SCHIP1: variants seen among roughly 807,000 people sequenced by gnomAD.
The protein encoded by SCHIP1 is schwannomin interacting protein 1.
SCHIP1 carries 8 observed loss-of-function variants against 29.7 expected under a neutral mutation model. That is an observed-to-expected ratio of 0.27 (90% confidence interval 0.16 to 0.49). SCHIP1 has a LOEUF of 0.49. SCHIP1 is among the 20% of genes least tolerant of loss of function. The pLI is 0.99. For missense variants in SCHIP1, 193 were observed against 294.6 expected, an observed-to-expected ratio of 0.66 and a Z score of 2.52; for synonymous variants, 76 against 94.9, an observed-to-expected ratio of 0.80 and a Z score of 1.16.
chr3:159,345,745 G>C, the SCHIP1 span, among the ~76,000 whole-genome samples: 4 of 152,180 alleles, frequency 2.6e-5, no homozygotes, highest in Admixed American at 2.6e-4. Flanking sequence ...GTATTACTTT[G>C]TGCTTCTCAG....
At chr3:159,758,532 C>A in the SCHIP1 span, among the ~76,000 whole-genome samples, 1 of 151,620 alleles carries the variant, frequency 6.6e-6, no homozygotes, top group Non-Finnish European at 1.5e-5. Flanking sequence ...AAGAAAAAAA[C>A]AAGATTTTGG....
chr3:159,496,797 C>T, the SCHIP1 span, among the ~76,000 whole-genome samples: 3 of 152,132 alleles, frequency 2.0e-5, no homozygotes, highest in African/African-American at 4.8e-5. Context: ...TATAAAGACA[C>T]ATGCACACGT....
exon 1 of SCHIP1, chr3:159,840,146 C>G (rs1217574443): frequency 5.2e-6 from 8 of 1,534,538 alleles, no homozygotes; most frequent in African/African-American, 2.7e-5. Context: ...CCTCGCTCAG[C>G]AGTCCTGCGT....
At chr3:159,514,434 A>T in the SCHIP1 span, among the ~76,000 whole-genome samples, 4 of 152,236 alleles carry the variant, frequency 2.6e-5, no homozygotes, top group Admixed American at 2.0e-4. Flanking sequence ...AGTTCCATGC[A>T]TACATGGTTT....
chr3:159,854,164 T>A (rs1433252419), intron 1 of SCHIP1, among the ~76,000 whole-genome samples: 1 of 152,108 alleles, frequency 6.6e-6, no homozygotes, highest in Non-Finnish European at 1.5e-5. Flanking sequence ...AAGAATAAAA[T>A]CCCTTCCATC....
At chr3:159,405,931 A>G in the SCHIP1 span, among the ~76,000 whole-genome samples, 1 of 151,782 alleles carries the variant, frequency 6.6e-6, no homozygotes, top group Non-Finnish European at 1.5e-5. Context: ...AAGATAAAAA[A>G]TAATTAAAAA....
At chr3:159,342,180 C>G in the SCHIP1 span, among the ~76,000 whole-genome samples, 1 of 152,096 alleles carries the variant, frequency 6.6e-6, no homozygotes, top group East Asian at 1.9e-4. Flanking sequence ...ACAGAGGGTT[C>G]AAGACCTTGT....
At chr3:159,525,577 T>TGA in the SCHIP1 span, among the ~76,000 whole-genome samples, 205 of 152,314 alleles carry the variant, frequency 1.3e-3, no homozygotes, top group South Asian at 0.024. Flanking sequence ...CTTGGTGCAT[T>TGA]GAGAGAGCAC....
the SCHIP1 span, among the ~76,000 whole-genome samples, chr3:159,457,364 A>G: frequency 6.6e-6 from 1 of 151,462 alleles, no homozygotes; most frequent in South Asian, 2.1e-4. Flanking sequence ...ATTCTTTGTA[A>G]TTATCATTTC....
chr3:159,582,398 C>A, the SCHIP1 span, among the ~76,000 whole-genome samples: 1 of 151,936 alleles, frequency 6.6e-6, no homozygotes, highest in East Asian at 1.9e-4. Context: ...AATTCCTGGA[C>A]TCAAGTGATC....
At chr3:159,811,645 T>C in the SCHIP1 span, among the ~76,000 whole-genome samples, 6 of 152,374 alleles carry the variant, frequency 3.9e-5, no homozygotes, top group Admixed American at 2.6e-4. Context: ...TTGATCTACA[T>C]GTCTACCCTT....
At chr3:159,726,877 C>T in the SCHIP1 span, among the ~76,000 whole-genome samples, 3 of 152,082 alleles carry the variant, frequency 2.0e-5, no homozygotes, top group African/African-American at 4.8e-5. Flanking sequence ...AGGATAATGC[C>T]AACTATTTAG....
At chr3:159,444,622 T>C in the SCHIP1 span, among the ~76,000 whole-genome samples, 1 of 152,146 alleles carries the variant, frequency 6.6e-6, no homozygotes, top group Admixed American at 6.6e-5. Context: ...ACTTATAATC[T>C]AATAACAGAG....
the SCHIP1 span, among the ~76,000 whole-genome samples, chr3:159,635,685 C>G: frequency 6.6e-6 from 1 of 152,140 alleles, no homozygotes; most frequent in South Asian, 2.1e-4. Flanking sequence ...CATTTGAAAA[C>G]ATTTAAATGT....
the SCHIP1 span, among the ~76,000 whole-genome samples, chr3:159,495,044 C>A: frequency 6.6e-6 from 1 of 152,142 alleles, no homozygotes; most frequent in Non-Finnish European, 1.5e-5. Flanking sequence ...AGGCCTTTGA[C>A]AAAATTCAAC....
the SCHIP1 span, chr3:159,722,042 T>G: frequency 2.7e-6 from 1 of 367,230 alleles, no homozygotes; most frequent in Non-Finnish European, 5.2e-6. Flanking sequence ...TTATTATGTC[T>G]GCATTCTCAT....
the SCHIP1 span, among the ~76,000 whole-genome samples, chr3:159,505,705 A>G: frequency 6.6e-6 from 1 of 151,854 alleles, no homozygotes; most frequent in Non-Finnish European, 1.5e-5. Context: ...CCCACCTATG[A>G]GTGAGAACAT....
chr3:159,651,967 G>A, the SCHIP1 span, among the ~76,000 whole-genome samples: 1 of 152,032 alleles, frequency 6.6e-6, no homozygotes, highest in Non-Finnish European at 1.5e-5. Context: ...ATGGTGGCAC[G>A]TGCCTGTAGT....
At chr3:159,659,226 T>A in the SCHIP1 span, among the ~76,000 whole-genome samples, 7 of 152,208 alleles carry the variant, frequency 4.6e-5, no homozygotes, top group African/African-American at 1.4e-4. Flanking sequence ...TTGTTGTTGT[T>A]CCTAGTTGGC....
Sources: allele counts gnomAD v4.1 joint callset (sites outside exome capture counted in the v4.1 genomes callset), GRCh38; gene constraint gnomAD v4.1.1; transcripts MANE v1.5; gene names NCBI Gene and HGNC (gene_info 2026-07-23, HGNC 2026-07-21).